Variants in VIT observed in about 807,000 individuals in gnomAD.
The protein encoded by VIT is vitrin.
VIT carries 99 observed loss-of-function variants against 78.0 expected under a neutral mutation model. That is an observed-to-expected ratio of 1.27 (90% CI 1.08 to 1.50). VIT has a LOEUF of 1.50. Among genes scored for constraint, VIT ranks in the 40% most tolerant of loss-of-function variants. The pLI, the probability that VIT is intolerant of heterozygous loss-of-function variation, is 0.00. For synonymous variants in VIT, 374 were observed against 334.3 expected (o/e 1.12, Z -1.29); for missense variants, 1,126 against 875.3 (o/e 1.29, Z -3.61).
chr2:36,759,044 C>G lies in VIT; in HGVS notation c.485C>G (p.Ala162Gly). The change falls in exon 6 of 16, where the codon GCA (alanine) becomes GGA (glycine). Residue 162 changes from alanine to glycine, a missense_variant and splice_region_variant. Transcript: ENST00000379242. ...YSSSKSPAAQ[A>G]GETTKAYQRP... The stretch of plus-strand genomic sequence containing the variant: ...TCATCGAAAAGTCCAGCTGCCCAAG[C>G]AGGCAAGTGCTCACGTGTGATTGAA... 1 of 1,614,100 alleles carries G rather than the reference C, an allele frequency of 6.2e-7. No homozygotes were observed. The highest frequency in any genetic ancestry group is 8.5e-7 in the Non-Finnish European group (1 of 1,180,028).
intron 2 of VIT, among the ~76,000 whole-genome samples, chr2:36,718,231 CT>C (rs1432834818): frequency 6.6e-6 from 1 of 152,150 alleles, no homozygotes; most frequent in Non-Finnish European, 1.5e-5. Flanking sequence ...CATAAATCAA[CT>C]CATAATATAA....
intron 3 of VIT, among the ~76,000 whole-genome samples, chr2:36,734,138 T>C (rs2148495561): frequency 6.6e-6 from 1 of 152,318 alleles, no homozygotes; most frequent in African/African-American, 2.4e-5. Flanking sequence ...ATCTGTGCTT[T>C]AACCAGCTCT....
rs762625146 is a variant in VIT, at chr2:36,808,851, G to C, written c.1769G>C (p.Gly590Ala). The C allele has an allele frequency of 4.3e-6, 7 of 1,614,060 alleles. No homozygotes were observed. The African/African-American group carries it at 5.3e-5, about 12-fold the overall frequency. Residue 590 changes from glycine to alanine, a missense_variant, in exon 15 of 16, where the codon GGG becomes GCG. Transcript: ENST00000379242. ...TACTGGAGTGGTGGCACCAGCACGG[G>C]GGCTGCCATCAACTTCGCCCTGGAG... is the stretch of plus-strand genomic sequence containing the variant. ...VGYWSGGTST[G>A]AAINFALEQL...
At chr2:36,772,808 C>T (rs1350820313) in intron 7 of VIT, among the ~76,000 whole-genome samples, 1 of 152,228 alleles carries the variant, frequency 6.6e-6, no homozygotes, top group African/African-American at 2.4e-5. Flanking sequence ...TGGATAACTC[C>T]AGTTCTAAGA....
chr2:36,739,264 A>C (rs1454162013), intron 3 of VIT, among the ~76,000 whole-genome samples: 5 of 152,226 alleles, frequency 3.3e-5, no homozygotes. Context: ...CTTGTTCTCC[A>C]GAAGCAATGT....
At chr2:36,724,689 C>T (rs143661376) in intron 2 of VIT, among the ~76,000 whole-genome samples, 1 of 152,302 alleles carries the variant, frequency 6.6e-6, no homozygotes, top group East Asian at 1.9e-4. Context: ...TTATTAATTA[C>T]TGCTGTTCAA....
At chr2:36,732,311 T>C (rs1466666124) in intron 3 of VIT, among the ~76,000 whole-genome samples, 1 of 152,248 alleles carries the variant, frequency 6.6e-6, no homozygotes, top group Middle Eastern at 3.2e-3. Flanking sequence ...ATATGCTAAA[T>C]TCTAGCCTTA....
intron 2 of VIT, among the ~76,000 whole-genome samples, 189 bp from the exon 3 acceptor site, chr2:36,729,237 T>C (rs2148483530): frequency 3.3e-5 from 5 of 152,300 alleles, no homozygotes; most frequent in Admixed American, 3.3e-4. Context: ...ATCGGCACAA[T>C]GATGAAATCA....
At chr2:36,768,163 G>A (rs1039952619) in intron 7 of VIT, among the ~76,000 whole-genome samples, 1 of 152,176 alleles carries the variant, frequency 6.6e-6, no homozygotes, top group African/African-American at 2.4e-5. Flanking sequence ...TGGGAGCGGT[G>A]GCTCACGCCT....
chr2:36,743,255 A>G lies in VIT; in HGVS notation c.274A>G (p.Ser92Gly), dbSNP rs201275662. Reference protein sequence around the residue: ...YSSVCGAAVHSGVLDNSGGKI... With the variant: ...YSSVCGAAVHGGVLDNSGGKI... ...CAGTGTGTGTGGCGCTGCCGTACAC[A>G]GGTGAGTGGTTCTGAGCTACTTAAT... Residue 92 changes from serine (S) to glycine (G), a missense_variant and splice_region_variant, in exon 4 of 16, where the codon AGT becomes GGT. By Grantham distance (56) the Ser-to-Gly change is moderately conservative. Transcript: ENST00000379242. 6.2e-6 allele frequency: 10 copies of G among 1,612,458 alleles called. No individual in the cohort carries two copies. In the African/African-American group the frequency reaches 1.2e-4, roughly 19 times the overall value.
chr2:36,717,929 T>C (rs1666267380), intron 2 of VIT, among the ~76,000 whole-genome samples: 1 of 152,220 alleles, frequency 6.6e-6, no homozygotes, highest in South Asian at 2.1e-4. Flanking sequence ...ATCTGTTCCA[T>C]GTCTCTCTCC....
chr2:36,754,097 T>C (rs945730258), intron 4 of VIT, among the ~76,000 whole-genome samples: 29 of 152,220 alleles, frequency 1.9e-4, no homozygotes. Context: ...TGTTGAGTAG[T>C]ATTAGCACTT....
intron 1 of VIT, among the ~76,000 whole-genome samples, chr2:36,708,121 C>G (rs868027305): frequency 2.7e-5 from 4 of 148,210 alleles, no homozygotes; most frequent in Non-Finnish European, 6.0e-5. Context: ...CCCCCCCCCG[C>G]CCACCTAGTG....
At chr2:36,753,688 A>G (rs1391677720) in intron 4 of VIT, among the ~76,000 whole-genome samples, 2 of 152,114 alleles carry the variant, frequency 1.3e-5, no homozygotes, top group African/African-American at 4.8e-5. Flanking sequence ...CTGGGGTGAA[A>G]CAGCAGCATC....
chr2:36,785,515 A>C (rs1019800720), intron 11 of VIT, among the ~76,000 whole-genome samples: 1 of 152,042 alleles, frequency 6.6e-6, no homozygotes, highest in Non-Finnish European at 1.5e-5. Flanking sequence ...GCATTTTTCA[A>C]CTCTGCTTCT....
intron 6 of VIT, among the ~76,000 whole-genome samples, chr2:36,765,092 A>G (rs554168587): frequency 6.6e-6 from 1 of 152,148 alleles, no homozygotes; most frequent in East Asian, 1.9e-4. Flanking sequence ...ATATGGAAAA[A>G]ATGTGGGGAG....
rs138326750 is a variant in VIT, at chr2:36,783,747, T to C, written c.910+345T>C. On this transcript the variant is annotated intron_variant, in intron 11 of 15. Transcript: ENST00000379242. ...GGTGGCCAGAACTCGGAGTTGGAAG[T>C]GGAAATGAAGATAAATGGGCATATT... 1.4e-3 allele frequency among the ~76,000 whole-genome samples: 205 copies of C among 151,832 alleles called. 2 individuals carry two copies. Among genetic ancestry groups the C allele is most frequent in the Admixed American group, 0.012 (179 of 15,260 alleles).
chr2:36,756,356 C>A (rs1330822261), intron 5 of VIT, among the ~76,000 whole-genome samples: 2 of 152,134 alleles, frequency 1.3e-5, no homozygotes, highest in Non-Finnish European at 2.9e-5. Flanking sequence ...TAGATTGTAG[C>A]CAACTTCCTG....
intron 2 of VIT, among the ~76,000 whole-genome samples, chr2:36,719,703 C>G (rs1464882199): frequency 6.6e-6 from 1 of 152,158 alleles, no homozygotes; most frequent in South Asian, 2.1e-4. Context: ...CCTTGCGTGG[C>G]GGAAGTAGGC....
Sources: gnomAD v4.1 joint callset for allele counts (sites outside exome capture counted in the v4.1 genomes callset) on GRCh38, gnomAD v4.1.1 for gene constraint, MANE v1.5 for transcripts, NCBI Gene and HGNC (gene_info 2026-07-23, HGNC 2026-07-21) for gene names.